The following MRTFA variants were observed in gnomAD, a reference collection of about 807,000 sequenced individuals.
MRTFA encodes myocardin-related transcription factor A.
In MRTFA, 20 loss-of-function variants were observed where a neutral mutation model predicts 83.5. The observed-to-expected ratio is 0.24, with a 90% CI of 0.17 to 0.35. The LOEUF is 0.35. Among genes scored for constraint, MRTFA ranks in the 10% least tolerant of loss-of-function variants. The probability of loss-of-function intolerance (pLI) is 1.00; values close to 1 mark genes in which losing one functional copy is unlikely to be tolerated. For synonymous variants in MRTFA, 659 were observed against 541.2 expected, an observed-to-expected ratio of 1.22 and a Z score of -3.02; for missense variants, 1,200 against 1,224.7, an observed-to-expected ratio of 0.98 and a Z score of 0.30.
At chr22:40,587,014 T>C (rs1357893448) in intron 2 of MRTFA, 4 of 479,194 alleles carry the variant, frequency 8.3e-6, no homozygotes, top group Admixed American at 2.3e-5. Context: ...TTGCAGAGCA[T>C]GGTCTTTGCA....
intron 3 of MRTFA, among the ~76,000 whole-genome samples, chr22:40,480,804 AGT>A (rs2054077239): frequency 7.5e-6 from 1 of 133,712 alleles, no homozygotes; most frequent in African/African-American, 3.0e-5. Context: ...GCTGGAGTGC[AGT>A]GGCGCGATCT....
chr22:40,635,354 GT>G (rs1355320120), intron 1 of MRTFA, among the ~76,000 whole-genome samples: 1 of 151,622 alleles, frequency 6.6e-6, no homozygotes, highest in Non-Finnish European at 1.5e-5. Flanking sequence ...AAGTCTTAAC[GT>G]TACAGGCTTC....
intron 3 of MRTFA, among the ~76,000 whole-genome samples, chr22:40,508,082 A>T (rs1602356527): frequency 6.6e-6 from 1 of 151,980 alleles, no homozygotes; most frequent in African/African-American, 2.4e-5. Context: ...GCTTCTAGGG[A>T]AACATAAGTT....
chr22:40,538,311 G>T (rs11090000), intron 3 of MRTFA, among the ~76,000 whole-genome samples: 63,973 of 106,202 alleles, frequency 0.6, 19,379 homozygotes, highest in African/African-American at 0.69. Context: ...GTCCACTCAG[G>T]GTTAAATGGA....
At chr22:40,551,215 G>A (rs916297011) in intron 3 of MRTFA, among the ~76,000 whole-genome samples, 1 of 151,998 alleles carries the variant, frequency 6.6e-6, no homozygotes, top group African/African-American at 2.4e-5. Flanking sequence ...TGAGGTATGA[G>A]TACATGGTTT....
At chr22:40,603,715 G>A (rs1268847076) in intron 1 of MRTFA, among the ~76,000 whole-genome samples, 1 of 151,420 alleles carries the variant, frequency 6.6e-6, no homozygotes, top group Non-Finnish European at 1.5e-5. Context: ...TGAAGGAGGA[G>A]GTGTGGAGTA....
At chr22:40,459,080 A>G (rs1228570385) in intron 4 of MRTFA, among the ~76,000 whole-genome samples, 1 of 151,340 alleles carries the variant, frequency 6.6e-6, no homozygotes, top group Non-Finnish European at 1.5e-5. Context: ...GTCTCAAAAA[A>G]AAAAAAAAAA....
intron 3 of MRTFA, among the ~76,000 whole-genome samples, chr22:40,464,309 GAAAAAAAA>G (rs398040500): frequency 1.8e-5 from 1 of 56,274 alleles, no homozygotes; most frequent in Non-Finnish European, 3.1e-5. Flanking sequence ...GCTGTCTCAG[GAAAAAAAA>G]AAAAAAAAAA....
chr22:40,487,381 G>C lies in MRTFA; in HGVS notation c.242-24095C>G, dbSNP rs948421678. Among the ~76,000 whole-genome samples the C allele has an allele frequency of 3.4e-4, 52 of 152,104 alleles. 1 individual carries two copies. Among genetic ancestry groups the C allele is most frequent in the Non-Finnish European group, 2.6e-4 (18 of 68,032 alleles). On this transcript the variant is annotated intron_variant, in intron 3 of 14. Transcript: ENST00000355630. ...ATACGTATCTCATTTGACCCTATGA[G>C]CCAGAACTGGAGTCATTAGTCATTA...
At chr22:40,511,719 G>GC (rs2054671020) in intron 3 of MRTFA, among the ~76,000 whole-genome samples, 1 of 152,178 alleles carries the variant, frequency 6.6e-6, no homozygotes. Flanking sequence ...TGGCACTGTG[G>GC]CAAGTGCCTA....
In MRTFA at chr22:40,477,509, A is replaced by G. The variant is rs145415129; in HGVS notation, c.242-14223T>C. 3.6e-3 allele frequency among the ~76,000 whole-genome samples: 545 copies of G among 152,226 alleles called. 2 individuals carry two copies. The highest frequency in any genetic ancestry group is 6.9e-3 in the Admixed American group (105 of 15,278). On this transcript the variant is annotated intron_variant, in intron 3 of 14. Transcript: ENST00000355630. ...TCCTCAATTTTCTCACTATAATTCA[A>G]TTTTGAAAACTAATCCATATACCCT...
At chr22:40,622,260 T>C (rs2056532187) in intron 1 of MRTFA, among the ~76,000 whole-genome samples, 1 of 151,958 alleles carries the variant, frequency 6.6e-6, no homozygotes, top group South Asian at 2.1e-4. Flanking sequence ...GGCAGGTAGA[T>C]CACGAGGTCA....
intron 1 of MRTFA, among the ~76,000 whole-genome samples, chr22:40,634,198 C>T (rs773794083): frequency 2.6e-5 from 4 of 152,048 alleles, no homozygotes; most frequent in Non-Finnish European, 4.4e-5. Flanking sequence ...AGGGATCCTC[C>T]AGCCTCAGCC....
intron 1 of MRTFA, among the ~76,000 whole-genome samples, chr22:40,604,651 G>C (rs2056298373): frequency 6.6e-6 from 1 of 152,002 alleles, no homozygotes; most frequent in African/African-American, 2.4e-5. Context: ...GGAGGCTGAG[G>C]CAGGAGAATC....
chr22:40,489,532 C>G (rs1182302091), intron 3 of MRTFA, among the ~76,000 whole-genome samples: 1 of 151,440 alleles, frequency 6.6e-6, no homozygotes, highest in Non-Finnish European at 1.5e-5. Context: ...AGCCTGGTCT[C>G]GAAATGCTGG....
intron 7 of MRTFA, among the ~76,000 whole-genome samples, chr22:40,426,292 C>T (rs538501876): frequency 3.7e-4 from 57 of 152,014 alleles, no homozygotes; most frequent in African/African-American, 1.3e-3. Context: ...TTTCCTCGTC[C>T]TCCTCCCTCC....
At chr22:40,463,015 A>C (rs2053742533) in intron 4 of MRTFA, among the ~76,000 whole-genome samples, 1 of 152,244 alleles carries the variant, frequency 6.6e-6, no homozygotes, top group Non-Finnish European at 1.5e-5. Context: ...CCCTTTAAAC[A>C]CAGTTTGTTT....
At chr22:40,473,682 G>A (rs1019902575) in intron 3 of MRTFA, among the ~76,000 whole-genome samples, 1 of 152,220 alleles carries the variant, frequency 6.6e-6, no homozygotes. Context: ...GGTCAGAGAA[G>A]GAACAGGTTG....
At chr22:40,515,659 C>T (rs905897297) in intron 3 of MRTFA, among the ~76,000 whole-genome samples, 1 of 151,992 alleles carries the variant, frequency 6.6e-6, no homozygotes, top group Non-Finnish European at 1.5e-5. Flanking sequence ...CAGATGGAAC[C>T]TAGAAAGCAA....
Sources: gnomAD v4.1 joint callset for allele counts (sites outside exome capture counted in the v4.1 genomes callset) on GRCh38, gnomAD v4.1.1 for gene constraint, MANE v1.5 for transcripts, NCBI Gene and HGNC (gene_info 2026-07-23, HGNC 2026-07-21) for gene names.